Variants in TENM2 observed in about 807,000 individuals in gnomAD.
TENM2 encodes the protein teneurin transmembrane protein 2.
A neutral mutation model predicts 245.2 loss-of-function variants in TENM2; 52 were observed. The observed-to-expected ratio is 0.21, with a 90% confidence interval of 0.17 to 0.27. The LOEUF (loss-of-function observed/expected upper bound fraction) is 0.27, where lower values mean the gene tolerates loss of function less well. Ranked by LOEUF, TENM2 falls within the 10% of genes least tolerant of loss-of-function variation. The pLI, the probability that TENM2 is intolerant of heterozygous loss-of-function variation, is 1.00. For synonymous variants in TENM2, 1,363 were observed against 1,438.9 expected, an observed-to-expected ratio of 0.95 and a Z score of 1.19; for missense variants, 3,046 against 3,666.8, an observed-to-expected ratio of 0.83 and a Z score of 4.37.
At chr5:167,254,956 C>T in the TENM2 span, among the ~76,000 whole-genome samples, 1 of 151,906 alleles carries the variant, frequency 6.6e-6, no homozygotes, top group African/African-American at 2.4e-5. Context: ...GGTGTGATAA[C>T]AGGAGATGTC....
At chr5:167,521,035 A>G (rs1443478587) in intron 2 of TENM2, among the ~76,000 whole-genome samples, 1 of 151,242 alleles carries the variant, frequency 6.6e-6, no homozygotes, top group Admixed American at 6.6e-5. Flanking sequence ...GATGGAGGTA[A>G]TAGATGGGTC....
At chr5:167,158,846 C>CCCTTCCTTCCTTCCTG in the TENM2 span, among the ~76,000 whole-genome samples, 2 of 86,028 alleles carry the variant, frequency 2.3e-5, no homozygotes, top group Non-Finnish European at 2.4e-5. Flanking sequence ...TCCATAGCAG[C>CCCTTCCTTCCTTCCTG]CCTTCCTTCC....
chr5:167,993,178 C>T (rs1313490201), exon 5 of TENM2: 1 of 1,613,594 alleles, frequency 6.2e-7, no homozygotes, highest in East Asian at 2.2e-5. Context: ...TGGCGTATTT[C>T]ATAGGTAAGT....
At chr5:167,729,599 A>G (rs904578347) in intron 2 of TENM2, among the ~76,000 whole-genome samples, 1 of 152,200 alleles carries the variant, frequency 6.6e-6, no homozygotes, top group African/African-American at 2.4e-5. Context: ...GTTAAATAGT[A>G]TTGTTTAAAC....
the TENM2 span, among the ~76,000 whole-genome samples, chr5:167,155,010 AACT>A: frequency 2.6e-5 from 4 of 152,222 alleles, 1 homozygote; most frequent in Non-Finnish European, 2.9e-5. Context: ...ATTACATCAT[AACT>A]ACCTTGATGG....
At chr5:167,736,481 ATCC>A (rs979624781) in intron 2 of TENM2, among the ~76,000 whole-genome samples, 1 of 152,132 alleles carries the variant, frequency 6.6e-6, no homozygotes, top group African/African-American at 2.4e-5. Flanking sequence ...AAAATGCAAC[ATCC>A]TCAAAATTAT....
chr5:167,550,699 AGTGTGTGTGT>A (rs10581183), intron 2 of TENM2, among the ~76,000 whole-genome samples: 6,312 of 114,140 alleles, frequency 0.055, 502 homozygotes, highest in African/African-American at 0.095. Flanking sequence ...TGTTGTTGTT[AGTGTGTGTGT>A]GTGTGTGTGT....
the TENM2 span, among the ~76,000 whole-genome samples, chr5:167,173,305 C>G: frequency 2.6e-5 from 4 of 152,168 alleles, no homozygotes; most frequent in African/African-American, 9.7e-5. Context: ...TTCCTGTTTC[C>G]CCTTTCTCTG....
intron 2 of TENM2, among the ~76,000 whole-genome samples, chr5:167,863,136 T>A (rs1771977746): frequency 6.6e-6 from 1 of 152,182 alleles, no homozygotes; most frequent in Non-Finnish European, 1.5e-5. Context: ...ATCTGTAAAA[T>A]AGGGAGAATA....
chr5:168,160,843 T>G (rs1757683623), intron 12 of TENM2, among the ~76,000 whole-genome samples: 1 of 151,940 alleles, frequency 6.6e-6, no homozygotes, highest in South Asian at 2.1e-4. Flanking sequence ...CTGGGCAACA[T>G]AGCAAGACCC....
chr5:167,696,621 T>C (rs925583521), intron 2 of TENM2, among the ~76,000 whole-genome samples: 5 of 152,212 alleles, frequency 3.3e-5, no homozygotes, highest in African/African-American at 9.6e-5. Flanking sequence ...GAAAAACAGA[T>C]GGTGAAAGGA....
chr5:167,640,635 AAT>A (rs1483726181), intron 2 of TENM2, among the ~76,000 whole-genome samples: 1 of 149,612 alleles, frequency 6.7e-6, no homozygotes, highest in African/African-American at 2.5e-5. Context: ...AAAAAAAAAA[AAT>A]TATTTGGTAA....
intron 2 of TENM2, among the ~76,000 whole-genome samples, chr5:167,419,840 A>G (rs182879015): frequency 2.0e-5 from 3 of 152,230 alleles, no homozygotes; most frequent in Admixed American, 6.5e-5. Flanking sequence ...AACTAAAATC[A>G]GCTTAAAAGG....
intron 2 of TENM2, among the ~76,000 whole-genome samples, chr5:167,378,756 A>G (rs1760919702): frequency 6.6e-6 from 1 of 152,134 alleles, no homozygotes; most frequent in South Asian, 2.1e-4. Flanking sequence ...ATACAGAAGA[A>G]TAACTAATTG....
intron 2 of TENM2, among the ~76,000 whole-genome samples, chr5:167,555,909 GAAGA>G (rs957370210): frequency 1.3e-5 from 2 of 152,104 alleles, no homozygotes; most frequent in Non-Finnish European, 2.9e-5. Context: ...ATTGCAAAAA[GAAGA>G]TAGAAGAGAA....
intron 2 of TENM2, among the ~76,000 whole-genome samples, chr5:167,841,121 A>G (rs2151151794): frequency 6.6e-6 from 1 of 151,222 alleles, no homozygotes; most frequent in African/African-American, 2.4e-5. Flanking sequence ...CAGTGGCATG[A>G]TCTCAGCTCA....
chr5:167,369,767 A>G (rs1316429271), intron 1 of TENM2, among the ~76,000 whole-genome samples: 1 of 152,314 alleles, frequency 6.6e-6, no homozygotes, highest in African/African-American at 2.4e-5. Context: ...TCTGTATTGC[A>G]TACAGTTAGC....
At chr5:167,223,641 C>T in the TENM2 span, among the ~76,000 whole-genome samples, 2 of 152,064 alleles carry the variant, frequency 1.3e-5, no homozygotes, top group Non-Finnish European at 2.9e-5. Context: ...ATTACAAATA[C>T]TGCTGCAATA....
At chr5:168,109,115 A>G (rs539585876) in intron 9 of TENM2, among the ~76,000 whole-genome samples, 1 of 152,218 alleles carries the variant, frequency 6.6e-6, no homozygotes, top group Admixed American at 6.5e-5. Context: ...TGCTGCCCAA[A>G]AGAACGTCCC....
Sources: allele counts gnomAD v4.1 joint callset (sites outside exome capture counted in the v4.1 genomes callset), GRCh38; gene constraint gnomAD v4.1.1; transcripts MANE v1.5; gene names NCBI Gene and HGNC (gene_info 2026-07-23, HGNC 2026-07-21).